The following WASHC4 variants were observed in gnomAD, a reference collection of about 807,000 sequenced individuals.
WASHC4 encodes WASH complex subunit 4, also known as WASH complex subunit 7.
A neutral mutation model predicts 166.6 loss-of-function variants in WASHC4; 86 were observed. That is an observed-to-expected ratio of 0.52 (90% CI 0.43 to 0.62). The LOEUF (loss-of-function observed/expected upper bound fraction) is 0.62. Ranked by LOEUF, WASHC4 falls within the 20% of genes least tolerant of loss-of-function variation. The pLI is 0.00. For synonymous variants in WASHC4, 446 were observed against 451.6 expected, an observed-to-expected ratio of 0.99 and a Z score of 0.16; for missense variants, 1,262 against 1,382.4, an observed-to-expected ratio of 0.91 and a Z score of 1.38.
At chr12:105,160,644 G>A (rs1168640224) in intron 29 of WASHC4, among the ~76,000 whole-genome samples, 2 of 152,174 alleles carry the variant, frequency 1.3e-5, no homozygotes, top group Non-Finnish European at 2.9e-5. Flanking sequence ...GAGCCACCAC[G>A]TATGGCCTAA....
intron 25 of WASHC4, 58 bp from the exon 26 acceptor site, chr12:105,152,285 G>T (rs1482580186): frequency 1.1e-5 from 9 of 836,510 alleles, no homozygotes; most frequent in Admixed American, 8.7e-5. Flanking sequence ...GTTTATTTGG[G>T]AGGCATTTTG....
At chr12:105,148,667 A>T in intron 24 of WASHC4, 1 of 985,260 alleles carries the variant, frequency 1.0e-6, no homozygotes, top group East Asian at 1.1e-4. Flanking sequence ...GCTACAAGAT[A>T]AGTTCCCGAA....
At chr12:105,156,862 A>G (rs1033663334) in intron 27 of WASHC4, 70 bp downstream of exon 27, 15 of 1,072,104 alleles carry the variant, frequency 1.4e-5, no homozygotes, top group African/African-American at 3.1e-5. Flanking sequence ...AATATATGTT[A>G]CAAGTGATAT....
At chr12:105,115,090 T>A in intron 4 of WASHC4, 94 bp from the exon 5 acceptor site, 1 of 666,732 alleles carries the variant, frequency 1.5e-6, no homozygotes, top group Non-Finnish European at 2.7e-6. Flanking sequence ...GATGTAGCCC[T>A]CTGTTTATTA....
intron 29 of WASHC4, among the ~76,000 whole-genome samples, chr12:105,161,257 C>T (rs1341783120): frequency 7.9e-5 from 12 of 152,270 alleles, no homozygotes; most frequent in African/African-American, 2.2e-4. Flanking sequence ...AGCCTATAAA[C>T]AGCTTTTTTC....
chr12:105,132,223 C>T (rs760791937), intron 13 of WASHC4, among the ~76,000 whole-genome samples: 5 of 152,222 alleles, frequency 3.3e-5, no homozygotes, highest in Non-Finnish European at 5.9e-5. Context: ...GGCTGGAGTG[C>T]AGTGGCGTGA....
At chr12:105,114,134 T>C in intron 2 of WASHC4, 82 bp from the exon 3 acceptor site, 1 of 1,281,358 alleles carries the variant, frequency 7.8e-7, no homozygotes. Context: ...TTAAGTCGAA[T>C]AAAGCTAGCC....
intron 10 of WASHC4, among the ~76,000 whole-genome samples, chr12:105,123,653 G>C (rs1880997553): frequency 6.6e-6 from 1 of 152,204 alleles, no homozygotes; most frequent in Non-Finnish European, 1.5e-5. Context: ...GAAGGAAGCT[G>C]TCTCCATAAC....
At chr12:105,120,962 A>T in intron 8 of WASHC4, 139 bp from the exon 9 acceptor site, 2 of 689,666 alleles carry the variant, frequency 2.9e-6, no homozygotes, top group East Asian at 5.4e-5. Context: ...TGAGGATCCA[A>T]CCTGTAGCTG....
Position 105,126,139 on chromosome 12 carries a change from C to T in WASHC4, c.910+12C>T, listed in dbSNP as rs753786958. ...AGAAGCCAAACTTGGTAATGTAAAT[C>T]GCATTTTTTGGTTTTTGTTTATAAA... is the stretch of plus-strand genomic sequence containing the variant. On this transcript the variant is annotated intron_variant, in intron 11 of 32. Coordinates refer to ENST00000332180, the MANE Select transcript of WASHC4 (RefSeq NM_015275.3). The T allele has an allele frequency of 6.8e-6, 11 of 1,612,576 alleles. No homozygotes were observed. Among genetic ancestry groups the T allele is most frequent in the Middle Eastern group, 3.3e-4 (2 of 6,072 alleles).
intron 27 of WASHC4, 136 bp downstream of exon 27, chr12:105,156,928 A>G (rs538562235): frequency 4.1e-6 from 3 of 740,488 alleles, no homozygotes; most frequent in East Asian, 2.7e-5. Flanking sequence ...GAAGAAAACT[A>G]TTAATTCTAC....
intron 12 of WASHC4, 88 bp from the exon 13 acceptor site, chr12:105,127,041 G>A (rs1881352882): frequency 1.9e-6 from 2 of 1,071,508 alleles, no homozygotes; most frequent in African/African-American, 1.6e-5. Flanking sequence ...GAAATCAGTT[G>A]TCTTCCATGT....
intron 6 of WASHC4, among the ~76,000 whole-genome samples, chr12:105,116,103 C>G (rs17036660): frequency 0.056 from 8,498 of 152,146 alleles, 794 homozygotes; most frequent in African/African-American, 0.19. Context: ...CGGTAGCCCT[C>G]CATGCTTCTA....
chr12:105,149,232 T>C, intron 24 of WASHC4: 1 of 985,416 alleles, frequency 1.0e-6, no homozygotes, highest in Non-Finnish European at 1.2e-6. Context: ...ATTCTAGACC[T>C]GTAGATTAGC....
At chr12:105,165,893 C>A (rs527898194) in intron 32 of WASHC4, among the ~76,000 whole-genome samples, 40 of 152,164 alleles carry the variant, frequency 2.6e-4, no homozygotes, top group Non-Finnish European at 7.4e-5. Context: ...CATTTGTGTT[C>A]ATTTTCAAGG....
chr12:105,153,962 T>C (rs1335259530), intron 26 of WASHC4, among the ~76,000 whole-genome samples: 1 of 152,108 alleles, frequency 6.6e-6, no homozygotes, highest in Non-Finnish European at 1.5e-5. Context: ...CAGTCCACAA[T>C]TGGGGAATAT....
At chr12:105,157,436 C>A in intron 28 of WASHC4, 114 bp downstream of exon 28, 1 of 643,472 alleles carries the variant, frequency 1.6e-6, no homozygotes, top group South Asian at 1.7e-5. Flanking sequence ...AAAATTATGG[C>A]CTCAGTTTAT....
chr12:105,144,144 T>C, intron 20 of WASHC4, 143 bp from the exon 21 acceptor site: 1 of 639,206 alleles, frequency 1.6e-6, no homozygotes, highest in Non-Finnish European at 2.7e-6. Flanking sequence ...CCTTAAGGTA[T>C]TGGTGAAAAT....
At position 105,133,739 on chromosome 12, in the gene WASHC4, G is replaced by T. The variant is rs17036668; in HGVS notation, c.1200-31G>T. 1.0e-2 allele frequency: 15,985 copies of T among 1,600,116 alleles called. 1,394 individuals carry two copies. The African/African-American group carries it at 0.19, about 19-fold the overall frequency. Reference sequence around the variant, plus strand: ...CAAGAAATGGAAGTAAATTTTCTTTGCTGAGTAACCCCAATATTTTCCTTT... The same window carrying T: ...CAAGAAATGGAAGTAAATTTTCTTTTCTGAGTAACCCCAATATTTTCCTTT... On this transcript the variant is annotated intron_variant, in intron 13 of 32. Transcript: ENST00000332180.
Sources: gnomAD v4.1 joint callset for allele counts (sites outside exome capture counted in the v4.1 genomes callset) on GRCh38, gnomAD v4.1.1 for gene constraint, MANE v1.5 for transcripts, NCBI Gene and HGNC (gene_info 2026-07-23, HGNC 2026-07-21) for gene names.